RALYL: variants seen among roughly 807,000 people sequenced by gnomAD.
RALYL encodes RNA-binding Raly-like protein.
Under a neutral mutation model 35.1 loss-of-function variants are expected in RALYL, and 29 were observed. The ratio of observed to expected loss-of-function variants is 0.83; its 90% CI spans 0.61 to 1.13. RALYL has a LOEUF of 1.13. RALYL is among the 50% of genes most tolerant of loss of function. The pLI, the probability that RALYL is intolerant of heterozygous loss-of-function variation, is 0.00. For synonymous variants in RALYL, 120 were observed against 127.6 expected (o/e 0.94, Z 0.40); for missense variants, 359 against 360.4 (o/e 1.00, Z 0.03).
chr8:84,187,078 G>T (rs1485408266), intron 1 of RALYL, among the ~76,000 whole-genome samples: 1 of 152,098 alleles, frequency 6.6e-6, no homozygotes, highest in African/African-American at 2.4e-5. Context: ...ATGAGAGAGG[G>T]TTTCCAAGGT....
chr8:84,580,080 C>T (rs548198155), intron 2 of RALYL, among the ~76,000 whole-genome samples: 2 of 152,226 alleles, frequency 1.3e-5, no homozygotes, highest in South Asian at 4.1e-4. Flanking sequence ...GTATTTTATA[C>T]TTATGGCACA....
At chr8:84,321,363 G>C (rs1312128561) in intron 1 of RALYL, among the ~76,000 whole-genome samples, 1 of 152,074 alleles carries the variant, frequency 6.6e-6, no homozygotes, top group Non-Finnish European at 1.5e-5. Context: ...GAAATCTAGA[G>C]AGATGGGCTA....
intron 2 of RALYL, among the ~76,000 whole-genome samples, chr8:84,660,323 A>T (rs1316358707): frequency 6.6e-6 from 1 of 151,956 alleles, no homozygotes; most frequent in East Asian, 1.9e-4. Context: ...TTATGTTATC[A>T]GTTCTTTCAC....
chr8:84,654,998 T>A (rs1042356692), intron 2 of RALYL, among the ~76,000 whole-genome samples: 3 of 152,114 alleles, frequency 2.0e-5, no homozygotes, highest in Non-Finnish European at 4.4e-5. Context: ...TATTTTCAGT[T>A]TTTTGGGGAA....
chr8:84,226,454 T>A (rs1823894182), intron 1 of RALYL, among the ~76,000 whole-genome samples: 1 of 152,186 alleles, frequency 6.6e-6, no homozygotes, highest in Non-Finnish European at 1.5e-5. Context: ...TTGCCCAGGC[T>A]GGAGGGCAGT....
At chr8:84,349,529 T>G (rs1200575598) in intron 1 of RALYL, among the ~76,000 whole-genome samples, 3 of 150,358 alleles carry the variant, frequency 2.0e-5, no homozygotes, top group Non-Finnish European at 4.4e-5. Context: ...CTTTGGTTAG[T>G]AGGTCATCCT....
At chr8:84,622,453 A>G (rs547417425) in intron 2 of RALYL, among the ~76,000 whole-genome samples, 7 of 152,332 alleles carry the variant, frequency 4.6e-5, no homozygotes, top group Non-Finnish European at 5.9e-5. Flanking sequence ...TTGGAATCTT[A>G]TCTGAGCCAC....
At chr8:84,571,344 T>C (rs1588252320) in intron 2 of RALYL, among the ~76,000 whole-genome samples, 1 of 151,780 alleles carries the variant, frequency 6.6e-6, no homozygotes. Context: ...CAATCTTGGC[T>C]GGTTGTAAGT....
chr8:84,841,930 G>T (rs1833476843), intron 4 of RALYL, among the ~76,000 whole-genome samples: 1 of 152,188 alleles, frequency 6.6e-6, no homozygotes, highest in African/African-American at 2.4e-5. Flanking sequence ...TGAGAACAAA[G>T]TCACAACATA....
chr8:84,497,873 C>T (rs1402519385), intron 1 of RALYL, among the ~76,000 whole-genome samples: 1 of 151,486 alleles, frequency 6.6e-6, no homozygotes, highest in African/African-American at 2.4e-5. Context: ...GATCTCCTGA[C>T]CTTGTGATCT....
At chr8:84,775,329 ACT>A (rs1816588525) in intron 3 of RALYL, among the ~76,000 whole-genome samples, 1 of 151,994 alleles carries the variant, frequency 6.6e-6, no homozygotes, top group African/African-American at 2.4e-5. Flanking sequence ...TTTTCACAAG[ACT>A]CTTGCAATGT....
chr8:84,911,553 A>G (rs2135693716), intron 8 of RALYL, among the ~76,000 whole-genome samples: 1 of 152,264 alleles, frequency 6.6e-6, no homozygotes, highest in South Asian at 2.1e-4. Flanking sequence ...TTCCCCACAA[A>G]GCAAGCTATT....
intron 2 of RALYL, among the ~76,000 whole-genome samples, chr8:84,592,663 C>A (rs1053196697): frequency 1.3e-5 from 2 of 152,034 alleles, no homozygotes; most frequent in Admixed American, 1.3e-4. Context: ...TATAATGGGA[C>A]ATATCCCACA....
intron 2 of RALYL, among the ~76,000 whole-genome samples, chr8:84,718,958 A>G (rs1270229876): frequency 6.6e-6 from 1 of 152,072 alleles, no homozygotes; most frequent in Non-Finnish European, 1.5e-5. Context: ...TCATTCATAC[A>G]TTATGTTGTT....
At chr8:84,681,477 A>T (rs941486212) in intron 2 of RALYL, among the ~76,000 whole-genome samples, 1 of 151,172 alleles carries the variant, frequency 6.6e-6, no homozygotes, top group Non-Finnish European at 1.5e-5. Context: ...ATCCATGAGC[A>T]TGGAATGCCC....
At chr8:84,603,720 A>G (rs1816494438) in intron 2 of RALYL, among the ~76,000 whole-genome samples, 1 of 152,082 alleles carries the variant, frequency 6.6e-6, no homozygotes, top group South Asian at 2.1e-4. Flanking sequence ...GACCTAAATA[A>G]TAAGTAACAT....
At chr8:84,680,104 G>T (rs1835088593) in intron 2 of RALYL, among the ~76,000 whole-genome samples, 2 of 151,976 alleles carry the variant, frequency 1.3e-5, no homozygotes, top group South Asian at 2.1e-4. Flanking sequence ...TGCGGTGTTT[G>T]GTTTTTTGTC....
At chr8:84,714,894 A>C (rs951531588) in intron 2 of RALYL, among the ~76,000 whole-genome samples, 1 of 151,976 alleles carries the variant, frequency 6.6e-6, no homozygotes, top group South Asian at 2.1e-4. Context: ...TATGTAATAC[A>C]CTAAAAATAT....
At chr8:84,248,402 A>AT (rs1829546017) in intron 1 of RALYL, among the ~76,000 whole-genome samples, 1 of 152,132 alleles carries the variant, frequency 6.6e-6, no homozygotes. Flanking sequence ...TTCCCAAGGG[A>AT]TAGCACTTGA....
Sources: gnomAD v4.1 joint callset for allele counts (sites outside exome capture counted in the v4.1 genomes callset) on GRCh38, gnomAD v4.1.1 for gene constraint, MANE v1.5 for transcripts, NCBI Gene and HGNC (gene_info 2026-07-23, HGNC 2026-07-21) for gene names.